The following SPATS2L variants were observed in gnomAD, a reference collection of about 807,000 sequenced individuals.
SPATS2L encodes the protein spermatogenesis associated serine rich 2 like.
Under a neutral mutation model 59.6 loss-of-function variants are expected in SPATS2L, and 30 were observed. That is an observed-to-expected ratio of 0.50 (90% CI 0.38 to 0.68). The LOEUF is 0.68. SPATS2L is among the 30% of genes least tolerant of loss of function. SPATS2L has a pLI of 0.00. For synonymous variants in SPATS2L, 252 were observed against 263.5 expected (o/e 0.96, Z 0.42); for missense variants, 615 against 700.0 (o/e 0.88, Z 1.37).
At chr2:200,430,928 G>T (rs2083888963) in intron 6 of SPATS2L, among the ~76,000 whole-genome samples, 1 of 151,986 alleles carries the variant, frequency 6.6e-6, no homozygotes, top group Non-Finnish European at 1.5e-5. Context: ...ATTTTGGCCA[G>T]GCTGGTCTGG....
chr2:200,453,875 G>A (rs1371556475), intron 8 of SPATS2L, among the ~76,000 whole-genome samples: 3 of 152,188 alleles, frequency 2.0e-5, no homozygotes, highest in Non-Finnish European at 4.4e-5. Context: ...CATGCTTTAT[G>A]CTATTTGGTA....
chr2:200,477,557 G>T, intron 12 of SPATS2L, 79 bp from the exon 13 acceptor site: 15 of 735,808 alleles, frequency 2.0e-5, no homozygotes, highest in Non-Finnish European at 2.9e-5. Context: ...GTGGCTTAGA[G>T]ATTTGGTTTT....
At chr2:200,351,557 C>T (rs3769464) in intron 2 of SPATS2L, among the ~76,000 whole-genome samples, 6,961 of 152,126 alleles carry the variant, frequency 0.046, 216 homozygotes, top group East Asian at 0.14. Flanking sequence ...CTAAATTATT[C>T]CTGGTGTTCT....
At chr2:200,334,929 T>TACC in intron 2 of SPATS2L, among the ~76,000 whole-genome samples, 1 of 152,330 alleles carries the variant, frequency 6.6e-6, no homozygotes, top group Admixed American at 6.5e-5. Context: ...TGTAGTATAG[T>TACC]TTGAAGTTAG....
At chr2:200,306,618 G>A (rs1217394598), upstream of SPATS2L, 2 of 995,708 alleles carry the variant, frequency 2.0e-6, no homozygotes, top group Non-Finnish European at 1.2e-6. Flanking sequence ...GACACCGAGG[G>A]GAAGGCGGGC....
Position 200,478,108 on chromosome 2 carries a change from A to G in SPATS2L, c.*77A>G, listed in dbSNP as rs926529941. On this transcript the variant is annotated 3_prime_UTR_variant, in exon 13 of 13. Coordinates refer to ENST00000409140, the MANE Select transcript of SPATS2L (RefSeq NM_001100423.2). ...TGCTGACCCAATTCGCTGCCAAAAG[A>G]GTGTCAATCAGAATATACAAATCCC... 13 of 1,352,350 alleles carry G rather than the reference A, an allele frequency of 9.6e-6. No homozygotes were observed. In the Admixed American group the frequency reaches 3.2e-4, roughly 33 times the overall value. The allele number at this position is 1,352,350 out of a possible 1,614,324, so 83.8% of individuals were successfully genotyped here. A position where few individuals can be genotyped will look rare whatever the true frequency, so the allele number is the denominator to read the frequency against.
intron 2 of SPATS2L, among the ~76,000 whole-genome samples, chr2:200,365,922 A>G (rs1306911793): frequency 6.6e-6 from 1 of 152,212 alleles, no homozygotes; most frequent in Non-Finnish European, 1.5e-5. Context: ...AGGACTCAGC[A>G]CAAGCCTATA....
chr2:200,419,755 T>C lies in SPATS2L; in HGVS notation c.445+259T>C, dbSNP rs536046874. ...GAGTCTGGGTCTTGCTGTGCAAGGC[T>C]AGAGTGCAGTGGTGTGGTCATAGCT... On this transcript the variant is annotated intron_variant, in intron 6 of 12. Coordinates refer to ENST00000409140, the MANE Select transcript of SPATS2L (RefSeq NM_001100423.2). 2.7e-5 allele frequency among the ~76,000 whole-genome samples: 4 copies of C among 147,468 alleles called. No individual in the cohort carries two copies. The East Asian group carries it at 6.0e-4, about 22-fold the overall frequency.
intron 1 of SPATS2L, among the ~76,000 whole-genome samples, chr2:200,327,703 A>G (rs2079800699): frequency 6.6e-6 from 1 of 152,238 alleles, no homozygotes; most frequent in South Asian, 2.1e-4. Context: ...TTTAAAATCA[A>G]TTCCTTTTTA....
chr2:200,342,259 T>C (rs1374353909), intron 2 of SPATS2L, among the ~76,000 whole-genome samples: 1 of 151,980 alleles, frequency 6.6e-6, no homozygotes, highest in Non-Finnish European at 1.5e-5. Context: ...GGAAGAGAGG[T>C]AGAAAGCAAG....
intron 8 of SPATS2L, among the ~76,000 whole-genome samples, chr2:200,445,318 A>G (rs73059836): frequency 0.036 from 5,558 of 152,292 alleles, 334 homozygotes; most frequent in African/African-American, 0.13. Context: ...GCCTCAAAAA[A>G]TAATTAATAA....
At chr2:200,321,166 G>A (rs1434377796) in intron 1 of SPATS2L, among the ~76,000 whole-genome samples, 1 of 152,120 alleles carries the variant, frequency 6.6e-6, no homozygotes, top group Non-Finnish European at 1.5e-5. Context: ...GAGTGTGTGT[G>A]CATGTGTATA....
intron 1 of SPATS2L, among the ~76,000 whole-genome samples, chr2:200,319,042 A>G (rs2079472193): frequency 6.6e-6 from 1 of 152,108 alleles, no homozygotes; most frequent in South Asian, 2.1e-4. Flanking sequence ...GTGCACTGAA[A>G]CCTGCCTCCC....
chr2:200,463,467 A>G (rs2086381305), intron 9 of SPATS2L: 1 of 152,200 alleles, frequency 6.6e-6, no homozygotes, highest in Admixed American at 6.5e-5. Context: ...TAATTGCACA[A>G]AAGAGGAAGT....
In SPATS2L at chr2:200,317,358, A is replaced by G. The variant is rs1000786835; in HGVS notation, c.-73+10436A>G. Reference sequence around the variant, plus strand: ...AGTGAGTAACGCCTACAATTCTGTTATGATTTTGTTGTGACTAAATAAGAT... The same window carrying G: ...AGTGAGTAACGCCTACAATTCTGTTGTGATTTTGTTGTGACTAAATAAGAT... On this transcript the variant is annotated intron_variant, in intron 1 of 12. Coordinates refer to ENST00000409140, the MANE Select transcript of SPATS2L (RefSeq NM_001100423.2). Among the ~76,000 whole-genome samples, 4 of 152,352 alleles carry G rather than the reference A, an allele frequency of 2.6e-5. No homozygotes were observed. In the East Asian group the frequency reaches 7.7e-4, roughly 29 times the overall value.
Position 200,306,855 on chromosome 2 carries a change from C to A in SPATS2L, c.-140C>A. ...AGGGGCCGCCACCGCCGCGGCGCCTCCCCTGGCGACCGCGCCCCCGGGCCC... is the reference window on the plus strand; with the variant it reads ...AGGGGCCGCCACCGCCGCGGCGCCTACCCTGGCGACCGCGCCCCCGGGCCC... On this transcript the variant is annotated 5_prime_UTR_variant, in exon 1 of 13. Coordinates refer to ENST00000409140, the MANE Select transcript of SPATS2L (RefSeq NM_001100423.2). The A allele has an allele frequency of 1.0e-6, 1 of 980,868 alleles. No individual in the cohort carries two copies. The highest frequency in any genetic ancestry group is 1.2e-6 in the Non-Finnish European group (1 of 828,078). The allele number at this position is 980,868 out of a possible 1,614,324, so 60.8% of individuals were successfully genotyped here.
intron 8 of SPATS2L, among the ~76,000 whole-genome samples, chr2:200,444,780 C>T (rs549949920): frequency 6.6e-6 from 1 of 152,168 alleles, no homozygotes; most frequent in Non-Finnish European, 1.5e-5. Context: ...AGAGTTTCCT[C>T]CTTCCCAACA....
chr2:200,453,967 T>G (rs1476808481), intron 8 of SPATS2L, among the ~76,000 whole-genome samples: 1 of 152,274 alleles, frequency 6.6e-6, no homozygotes, highest in East Asian at 1.9e-4. Flanking sequence ...TTCTACTGCA[T>G]GCGCCTCCTG....
chr2:200,326,768 C>T (rs1204031342), intron 1 of SPATS2L, among the ~76,000 whole-genome samples: 1 of 151,960 alleles, frequency 6.6e-6, no homozygotes, highest in Non-Finnish European at 1.5e-5. Flanking sequence ...TGCTCTGTCA[C>T]CCAGGCTAGA....
Sources: allele counts gnomAD v4.1 joint callset (sites outside exome capture counted in the v4.1 genomes callset), GRCh38; gene constraint gnomAD v4.1.1; transcripts MANE v1.5; gene names NCBI Gene and HGNC (gene_info 2026-07-23, HGNC 2026-07-21).